Variants in RIMBP2 observed in about 807,000 individuals in gnomAD.
RIMBP2 encodes the protein RIMS binding protein 2.
In RIMBP2, 48 loss-of-function variants were observed where a neutral mutation model predicts 118.6. That is an observed-to-expected ratio of 0.40 (90% CI 0.32 to 0.51). The LOEUF (loss-of-function observed/expected upper bound fraction) is 0.51. Ranked by LOEUF, RIMBP2 falls within the 20% of genes least tolerant of loss-of-function variation. RIMBP2 has a pLI of 0.41. For missense variants in RIMBP2, 1,551 were observed against 1,768.3 expected (o/e 0.88, Z 2.20); for synonymous variants, 762 against 742.9 (o/e 1.03, Z -0.42).
At chr12:130,554,312 T>A (rs776119788) in intron 2 of RIMBP2, among the ~76,000 whole-genome samples, 13 of 152,166 alleles carry the variant, frequency 8.5e-5, no homozygotes, top group Non-Finnish European at 1.5e-4. Flanking sequence ...CAGTTCAACG[T>A]TTGCTAAAGT....
At chr12:130,664,441 A>ACACACACGCACG (rs2063819686) in intron 1 of RIMBP2, among the ~76,000 whole-genome samples, 1 of 95,824 alleles carries the variant, frequency 1.0e-5, no homozygotes, top group Non-Finnish European at 2.5e-5. Context: ...GCATGCACGC[A>ACACACACGCACG]CACACGCACA....
At chr12:130,564,247 T>C (rs1043589250) in intron 2 of RIMBP2, among the ~76,000 whole-genome samples, 1 of 152,160 alleles carries the variant, frequency 6.6e-6, no homozygotes, top group Admixed American at 6.5e-5. Context: ...CCATATTTCA[T>C]CCGACGCCAC....
intron 4 of RIMBP2, among the ~76,000 whole-genome samples, chr12:130,504,889 A>G (rs1260770504): frequency 6.6e-6 from 1 of 152,228 alleles, no homozygotes; most frequent in Non-Finnish European, 1.5e-5. Flanking sequence ...GTCCTCAGAC[A>G]TTGCCAAATA....
At chr12:130,664,632 C>A (rs1319515806) in intron 1 of RIMBP2, among the ~76,000 whole-genome samples, 1 of 151,548 alleles carries the variant, frequency 6.6e-6, no homozygotes, top group Non-Finnish European at 1.5e-5. Flanking sequence ...AAGGGGCTAA[C>A]TCTACAGCTA....
At chr12:130,637,975 C>T (rs1159003717) in intron 1 of RIMBP2, among the ~76,000 whole-genome samples, 1 of 151,972 alleles carries the variant, frequency 6.6e-6, no homozygotes. Context: ...GGAATGCAAA[C>T]TTAATGACCA....
intron 4 of RIMBP2, among the ~76,000 whole-genome samples, chr12:130,500,874 AC>A (rs57407209): frequency 0.063 from 9,618 of 152,094 alleles, 807 homozygotes; most frequent in African/African-American, 0.19. Flanking sequence ...TCATGCTTTA[AC>A]CCAAGTGAGC....
intron 2 of RIMBP2, among the ~76,000 whole-genome samples, chr12:130,575,289 C>G (rs1047185790): frequency 2.8e-5 from 4 of 141,470 alleles, no homozygotes; most frequent in Non-Finnish European, 6.0e-5. Flanking sequence ...TGAGGAACAA[C>G]AGTGAACAGA....
chr12:130,500,181 T>C (rs188636259), intron 4 of RIMBP2, among the ~76,000 whole-genome samples: 20 of 152,314 alleles, frequency 1.3e-4, no homozygotes, highest in Non-Finnish European at 2.2e-4. Flanking sequence ...CCATGTGGGC[T>C]GGATGCAGTG....
chr12:130,643,703 A>G (rs2062726462), intron 1 of RIMBP2, among the ~76,000 whole-genome samples: 1 of 152,206 alleles, frequency 6.6e-6, no homozygotes. Context: ...CATTTATTGA[A>G]CACCTGCGTG....
At chr12:130,655,239 G>A (rs900646399) in intron 1 of RIMBP2, among the ~76,000 whole-genome samples, 2 of 152,168 alleles carry the variant, frequency 1.3e-5, no homozygotes, top group Non-Finnish European at 2.9e-5. Flanking sequence ...GCCCCACCCT[G>A]CCAGCCAGCA....
intron 1 of RIMBP2, among the ~76,000 whole-genome samples, chr12:130,696,403 T>C (rs979996852): frequency 6.6e-6 from 1 of 152,256 alleles, no homozygotes; most frequent in Non-Finnish European, 1.5e-5. Context: ...AAGTTTGATC[T>C]AATAATTTTC....
In RIMBP2 at chr12:130,703,836, CGA is replaced by C. The variant is rs2065974385; in HGVS notation, c.-352+12384_-352+12385del. Reference sequence around the variant, plus strand: ...GAAATACAGAGAGAGAGAGAGAGATCGATCTAGAAGCACGGAGGGAACCCTGA... The same window carrying C: ...GAAATACAGAGAGAGAGAGAGAGATCTCTAGAAGCACGGAGGGAACCCTGA... On this transcript the variant is annotated intron_variant, in intron 1 of 22. Coordinates refer to ENST00000690449, the MANE Select transcript of RIMBP2 (RefSeq NM_001393629.1). The surrounding 1 kb of genome is among the most constrained non-coding windows in gnomAD (Gnocchi z 5.7). Among the ~76,000 whole-genome samples the C allele has an allele frequency of 8.1e-6, 1 of 123,208 alleles. No individual in the cohort carries two copies. The highest frequency in any genetic ancestry group is 1.6e-5 in the Non-Finnish European group (1 of 61,820). 80.8% of individuals were successfully genotyped at this position (123,208 alleles called of 152,430 possible). A position where few individuals can be genotyped will look rare whatever the true frequency, so the allele number is the denominator to read the frequency against.
chr12:130,621,601 C>T lies in RIMBP2; in HGVS notation c.-217+6721G>A, dbSNP rs1011916116. ...TAATACCACGGGGCATAGCAAGCCCCAAGGCCTCTCTGAGCCCACGGCTAT... is the reference window on the plus strand; with the variant it reads ...TAATACCACGGGGCATAGCAAGCCCTAAGGCCTCTCTGAGCCCACGGCTAT... On this transcript the variant is annotated intron_variant, in intron 2 of 22. Coordinates refer to ENST00000690449, the MANE Select transcript of RIMBP2 (RefSeq NM_001393629.1). The surrounding 1 kb of genome is among the most constrained non-coding windows in gnomAD (Gnocchi z 6.6). 6.6e-6 allele frequency among the ~76,000 whole-genome samples: 1 copy of T among 152,192 alleles called. No individual in the cohort carries two copies. The highest frequency in any genetic ancestry group is 2.1e-4 in the South Asian group (1 of 4,832).
At chr12:130,610,005 C>T (rs932240984) in intron 2 of RIMBP2, among the ~76,000 whole-genome samples, 5 of 152,316 alleles carry the variant, frequency 3.3e-5, no homozygotes, top group South Asian at 2.1e-4. Flanking sequence ...TCTCCAGAAA[C>T]GCCCTCACAG....
chr12:130,616,985 T>A (rs1049057655), intron 2 of RIMBP2, among the ~76,000 whole-genome samples: 3 of 152,148 alleles, frequency 2.0e-5, no homozygotes, highest in African/African-American at 7.2e-5. Flanking sequence ...TGACCTGAAG[T>A]TGGGGTGCAG....
At chr12:130,702,515 C>CA (rs11309202) in intron 1 of RIMBP2, among the ~76,000 whole-genome samples, 18 of 131,512 alleles carry the variant, frequency 1.4e-4, no homozygotes, top group African/African-American at 2.6e-4. Context: ...GACTCTGTCT[C>CA]AAAAAAAAAA....
chr12:130,598,257 T>A (rs1295081887), intron 2 of RIMBP2, among the ~76,000 whole-genome samples: 1 of 152,208 alleles, frequency 6.6e-6, no homozygotes, highest in African/African-American at 2.4e-5. Flanking sequence ...CAGAGAGATA[T>A]CTTGCGTTTG....
intron 5 of RIMBP2, among the ~76,000 whole-genome samples, chr12:130,471,208 G>A (rs1169269904): frequency 6.6e-6 from 1 of 152,166 alleles, no homozygotes; most frequent in Non-Finnish European, 1.5e-5. Flanking sequence ...TGGCAGGGCC[G>A]CCCTCTTCAA....
chr12:130,644,800 G>A (rs559795871), intron 1 of RIMBP2, among the ~76,000 whole-genome samples: 5 of 152,214 alleles, frequency 3.3e-5, no homozygotes, highest in Non-Finnish European at 7.3e-5. Flanking sequence ...GCCTGAGAAC[G>A]TGGCACAGAG....
Sources: gnomAD v4.1 joint callset for allele counts (sites outside exome capture counted in the v4.1 genomes callset) on GRCh38, gnomAD v4.1.1 for gene constraint, Gnocchi (gnomAD v3.1) non-coding constraint, MANE v1.5 for transcripts, NCBI Gene and HGNC (gene_info 2026-07-23, HGNC 2026-07-21) for gene names.